Variants in CTNNBL1 observed in about 807,000 individuals in gnomAD.
CTNNBL1 encodes catenin beta like 1.
CTNNBL1 carries 31 observed loss-of-function variants against 72.7 expected under a neutral mutation model. The observed-to-expected ratio is 0.43, with a 90% CI of 0.32 to 0.58. The LOEUF is 0.58. Ranked by LOEUF, CTNNBL1 falls within the 20% of genes least tolerant of loss-of-function variation. The probability of loss-of-function intolerance (pLI) is 0.08; values close to 1 mark genes in which losing one functional copy is unlikely to be tolerated. For missense variants in CTNNBL1, 534 were observed against 725.1 expected, an observed-to-expected ratio of 0.74 and a Z score of 3.03; for synonymous variants, 240 against 267.3, an observed-to-expected ratio of 0.90 and a Z score of 1.00.
At chr20:37,775,653 T>C (rs1404942704) in intron 7 of CTNNBL1, among the ~76,000 whole-genome samples, 14 of 152,222 alleles carry the variant, frequency 9.2e-5, no homozygotes. Context: ...GCCACAACAG[T>C]GGACAGAGTT....
rs139894470 is a variant in CTNNBL1 at position 37,837,425 on chromosome 20, G to A, written c.1214-2677G>A. Among the ~76,000 whole-genome samples, 319 of 152,188 alleles carry A rather than the reference G, an allele frequency of 2.1e-3. 2 individuals are homozygous for A. Among genetic ancestry groups the A allele is most frequent in the African/African-American group, 7.2e-3 (298 of 41,500 alleles). ...GCCTGGGGTCTTGAGAAGGTATATA[G>A]TACCTCTGTCCACAGCATATTTTAA... On this transcript the variant is annotated intron_variant, in intron 11 of 15. Transcript: ENST00000361383.
chr20:37,709,463 G>A (rs2072918676), intron 1 of CTNNBL1, among the ~76,000 whole-genome samples: 1 of 152,190 alleles, frequency 6.6e-6, no homozygotes, highest in Non-Finnish European at 1.5e-5. Context: ...TATAATGTTG[G>A]AATGCGATTT....
intron 6 of CTNNBL1, 124 bp from the exon 7 acceptor site, chr20:37,767,829 G>C: frequency 1.4e-6 from 1 of 722,754 alleles, no homozygotes; most frequent in South Asian, 1.7e-5. Flanking sequence ...TGACAACCCA[G>C]CATCTGGCTG....
chr20:37,713,419 A>G lies in CTNNBL1; in HGVS notation c.30+19267A>G, dbSNP rs1306575789. On this transcript the variant is annotated intron_variant, in intron 1 of 15. Transcript: ENST00000361383. ...TAACTGATTCTGGGCTCCATGTTCT[A>G]GTTGTGATTGTCAGCAGGCGGTTGA... Among the ~76,000 whole-genome samples the G allele has an allele frequency of 1.5e-4, 23 of 152,200 alleles. 1 individual carries two copies. Among genetic ancestry groups the G allele is most frequent in the Admixed American group, 1.2e-3 (19 of 15,278 alleles).
At chr20:37,790,912 C>G (rs1392144252) in intron 10 of CTNNBL1, among the ~76,000 whole-genome samples, 1 of 152,222 alleles carries the variant, frequency 6.6e-6, no homozygotes, top group Non-Finnish European at 1.5e-5. Context: ...TTGTAATTCT[C>G]TCCCCCTACC....
chr20:37,829,830 A>G (rs1382539169), intron 11 of CTNNBL1, among the ~76,000 whole-genome samples: 1 of 151,916 alleles, frequency 6.6e-6, no homozygotes, highest in Non-Finnish European at 1.5e-5. Context: ...TCTATAATGT[A>G]ATTTTATGTA....
intron 11 of CTNNBL1, among the ~76,000 whole-genome samples, chr20:37,818,388 G>A (rs1205949532): frequency 6.6e-6 from 1 of 152,204 alleles, no homozygotes; most frequent in East Asian, 1.9e-4. Flanking sequence ...AAGATTGAAA[G>A]TAGGTAGAAA....
chr20:37,816,377 G>C (rs2072059536), intron 11 of CTNNBL1, among the ~76,000 whole-genome samples: 2 of 152,130 alleles, frequency 1.3e-5, no homozygotes, highest in South Asian at 4.1e-4. Context: ...TAAATCACTT[G>C]GGTAGTCTAG....
At chr20:37,851,145 G>A (rs1202010153) in intron 13 of CTNNBL1, among the ~76,000 whole-genome samples, 1 of 152,194 alleles carries the variant, frequency 6.6e-6, no homozygotes, top group Non-Finnish European at 1.5e-5. Flanking sequence ...CCACCTCCTT[G>A]TGTGTCTTTG....
At chr20:37,868,033 C>T (rs1197189686) in intron 15 of CTNNBL1, among the ~76,000 whole-genome samples, 3 of 152,218 alleles carry the variant, frequency 2.0e-5, no homozygotes, top group Non-Finnish European at 4.4e-5. Flanking sequence ...CACGTGCCCC[C>T]TCAGGGCTGC....
At chr20:37,773,249 C>A (rs946438427) in intron 7 of CTNNBL1, among the ~76,000 whole-genome samples, 1 of 152,162 alleles carries the variant, frequency 6.6e-6, no homozygotes, top group Non-Finnish European at 1.5e-5. Flanking sequence ...GACAATTGTA[C>A]AGAGCTGTAG....
intron 9 of CTNNBL1, among the ~76,000 whole-genome samples, chr20:37,778,924 A>T (rs936319219): frequency 6.6e-6 from 1 of 151,892 alleles, no homozygotes; most frequent in African/African-American, 2.4e-5. Context: ...TTTGGTTTTT[A>T]AAAAAATCTG....
At chr20:37,795,310 A>G (rs1398118768) in intron 10 of CTNNBL1, among the ~76,000 whole-genome samples, 1 of 152,020 alleles carries the variant, frequency 6.6e-6, no homozygotes, top group South Asian at 2.1e-4. Context: ...CACTGTGCCC[A>G]GCTAATTTAA....
chr20:37,807,800 G>A (rs985981821), intron 11 of CTNNBL1, among the ~76,000 whole-genome samples: 1 of 152,216 alleles, frequency 6.6e-6, no homozygotes, highest in East Asian at 1.9e-4. Flanking sequence ...TTTGCCCTTG[G>A]GTGCACTAGC....
At chr20:37,721,139 C>T (rs2073037115) in intron 1 of CTNNBL1, among the ~76,000 whole-genome samples, 1 of 152,152 alleles carries the variant, frequency 6.6e-6, no homozygotes, top group South Asian at 2.1e-4. Context: ...ACTCCTGGGT[C>T]CCTGCCTGAA....
At position 37,871,959 on chromosome 20, in the gene CTNNBL1, G is replaced by A. The variant is rs146419783; in HGVS notation, c.1638G>A (p.Pro546=). The change falls in exon 16 of 16, where the codon CCG becomes CCA. Residue 546 remains proline, a synonymous_variant. Coordinates refer to ENST00000361383, the MANE Select transcript of CTNNBL1 (RefSeq NM_030877.5). ...AGAACATCGGGGACGGCCGGAGCCC[G>A]GAGTTCCGGGAGAACGAGCAAAAGC... is the stretch of plus-strand genomic sequence containing the variant. ...YAENIGDGRS[P]EFRENEQKRI... 1.6e-4 allele frequency: 265 copies of A among 1,614,086 alleles called. 1 individual carries two copies. Among genetic ancestry groups the A allele is most frequent in the Non-Finnish European group, 2.0e-4 (232 of 1,180,014 alleles).
chr20:37,700,347 A>G (rs1245448827), intron 1 of CTNNBL1, among the ~76,000 whole-genome samples: 2 of 152,230 alleles, frequency 1.3e-5, no homozygotes, highest in Non-Finnish European at 2.9e-5. Context: ...AGAAATGTTT[A>G]TTAAAAGTAT....
chr20:37,851,189 C>T (rs2072393952), intron 13 of CTNNBL1, among the ~76,000 whole-genome samples: 3 of 152,202 alleles, frequency 2.0e-5, no homozygotes, highest in Admixed American at 1.3e-4. Context: ...AGCCCCTAAA[C>T]AGGCTTATGC....
intron 11 of CTNNBL1, among the ~76,000 whole-genome samples, chr20:37,826,045 G>A (rs993726098): frequency 2.6e-5 from 4 of 152,154 alleles, no homozygotes; most frequent in Non-Finnish European, 5.9e-5. Context: ...TGAGATATGG[G>A]CCTTCCCTAA....
Sources: gnomAD v4.1 joint callset for allele counts (sites outside exome capture counted in the v4.1 genomes callset) on GRCh38, gnomAD v4.1.1 for gene constraint, MANE v1.5 for transcripts, NCBI Gene and HGNC (gene_info 2026-07-23, HGNC 2026-07-21) for gene names.